Variants in COPS4 observed in about 807,000 individuals in gnomAD.
The protein encoded by COPS4 is COP9 signalosome subunit 4, also known as COP9 signalosome complex subunit 4.
A neutral mutation model predicts 55.1 loss-of-function variants in COPS4; 8 were observed. The observed-to-expected ratio is 0.15, with a 90% CI of 0.09 to 0.26. The LOEUF (loss-of-function observed/expected upper bound fraction) is 0.26. Ranked by LOEUF, COPS4 falls within the 10% of genes least tolerant of loss-of-function variation. The pLI is 1.00. For synonymous variants in COPS4, 185 were observed against 165.7 expected (o/e 1.12, Z -0.90); for missense variants, 248 against 484.0 (o/e 0.51, Z 4.58).
At chr4:83,042,233 A>G (rs74566430) in intron 1 of COPS4, among the ~76,000 whole-genome samples, 1 of 152,180 alleles carries the variant, frequency 6.6e-6, no homozygotes, top group Non-Finnish European at 1.5e-5. Flanking sequence ...TCTCAGCCAT[A>G]TGATCTTCAA....
At chr4:83,044,146 T>A (rs1730640509) in intron 1 of COPS4, among the ~76,000 whole-genome samples, 1 of 152,170 alleles carries the variant, frequency 6.6e-6, no homozygotes, top group African/African-American at 2.4e-5. Context: ...TTAGTGCTTT[T>A]AAAAAATATT....
chr4:83,065,769 C>T (rs1731278494), intron 7 of COPS4, among the ~76,000 whole-genome samples: 1 of 152,136 alleles, frequency 6.6e-6, no homozygotes, highest in Non-Finnish European at 1.5e-5. Flanking sequence ...CCTGGAGTTC[C>T]CAAAAGAATA....
chr4:83,074,704 C>T (rs112144405), intron 9 of COPS4, among the ~76,000 whole-genome samples: 1,814 of 151,224 alleles, frequency 0.012, 17 homozygotes, highest in Middle Eastern at 0.031. Flanking sequence ...CACGGTTTTG[C>T]CATGTTGGCC....
chr4:83,056,999 G>A lies in COPS4; in HGVS notation c.484G>A (p.Val162Ile), dbSNP rs1306607329. The A allele has an allele frequency of 6.2e-7, 1 of 1,613,728 alleles. No individual in the cohort carries two copies. The highest frequency in any genetic ancestry group is 1.3e-5 in the African/African-American group (1 of 75,040). ...ARLYLEDDDP[V>I]QAEAYINRAS... ...GCTATATCTGGAGGATGATGATCCA[G>A]TCCAGGCAGAGGCTTACATAAATCG... Residue 162 changes from valine (V) to isoleucine (I), a missense_variant, in exon 5 of 10, where the codon GTC (valine) becomes ATC (isoleucine). Coordinates refer to ENST00000264389, the MANE Select transcript of COPS4 (RefSeq NM_016129.3).
intron 7 of COPS4, among the ~76,000 whole-genome samples, chr4:83,063,810 A>G (rs1322972846): frequency 2.0e-5 from 3 of 149,884 alleles, no homozygotes; most frequent in Non-Finnish European, 4.4e-5. Flanking sequence ...CCCGGGTTCA[A>G]GTGATTCTCC....
chr4:83,060,450 C>T (rs537607975), intron 6 of COPS4, among the ~76,000 whole-genome samples: 1 of 151,686 alleles, frequency 6.6e-6, no homozygotes, highest in Admixed American at 6.6e-5. Context: ...CCAGGTTCAG[C>T]CATTCTCCTG....
chr4:83,037,541 A>G (rs1730456992), intron 1 of COPS4, among the ~76,000 whole-genome samples: 1 of 152,226 alleles, frequency 6.6e-6, no homozygotes, highest in Non-Finnish European at 1.5e-5. Context: ...CCTTGCCTGC[A>G]TTTCCTATGT....
chr4:83,060,147 G>T (rs1269668983), intron 6 of COPS4, among the ~76,000 whole-genome samples: 1 of 151,636 alleles, frequency 6.6e-6, no homozygotes, highest in Non-Finnish European at 1.5e-5. Flanking sequence ...AGGTAATTGT[G>T]GATATTCTTT....
chr4:83,070,221 G>A (rs1293214581), intron 9 of COPS4, among the ~76,000 whole-genome samples: 1 of 151,944 alleles, frequency 6.6e-6, no homozygotes, highest in African/African-American at 2.4e-5. Flanking sequence ...AGTTACTTAG[G>A]GCTTAATCCT....
intron 1 of COPS4, among the ~76,000 whole-genome samples, chr4:83,041,587 C>T (rs1437330975): frequency 9.2e-5 from 14 of 152,286 alleles, no homozygotes; most frequent in Admixed American, 5.9e-4. Context: ...CTGCCTCAGC[C>T]TCCCGTGTAG....
At chr4:83,070,141 C>T (rs1416031984) in intron 9 of COPS4, among the ~76,000 whole-genome samples, 2 of 152,196 alleles carry the variant, frequency 1.3e-5, no homozygotes, top group Non-Finnish European at 2.9e-5. Context: ...TTCTACTTTT[C>T]CTCTTATATC....
chr4:83,056,850 C>A, intron 4 of COPS4, 76 bp from the exon 5 acceptor site: 1 of 1,234,876 alleles, frequency 8.1e-7, no homozygotes, highest in Admixed American at 2.2e-5. Context: ...CAGGAAAAAA[C>A]AACATATCTT....
intron 7 of COPS4, among the ~76,000 whole-genome samples, chr4:83,064,257 A>C (rs1175680313): frequency 6.6e-6 from 1 of 152,136 alleles, no homozygotes; most frequent in Non-Finnish European, 1.5e-5. Context: ...GGATTGCTTG[A>C]GCCCAGGGGG....
chr4:83,073,247 C>T, intron 9 of COPS4: 1 of 685,304 alleles, frequency 1.5e-6, no homozygotes, highest in Non-Finnish European at 2.7e-6. Context: ...CTGGATTTAC[C>T]TAGTCTGGAT....
intron 1 of COPS4, among the ~76,000 whole-genome samples, chr4:83,039,704 T>G (rs1356205016): frequency 6.6e-6 from 1 of 152,182 alleles, no homozygotes; most frequent in Non-Finnish European, 1.5e-5. Context: ...AGATCATGGC[T>G]TACTACAGCC....
intron 8 of COPS4, among the ~76,000 whole-genome samples, chr4:83,067,332 C>T (rs950206373): frequency 1.3e-5 from 2 of 151,858 alleles, no homozygotes; most frequent in Non-Finnish European, 2.9e-5. Context: ...ACCTCTACCT[C>T]CCAGGTTCAG....
At chr4:83,062,671 G>T (rs1009725494) in intron 6 of COPS4, among the ~76,000 whole-genome samples, 4 of 152,126 alleles carry the variant, frequency 2.6e-5, no homozygotes, top group Admixed American at 6.5e-5. Context: ...CTGTCTGGGG[G>T]GTGTTCTTAA....
chr4:83,054,833 A>G (rs140689925), intron 4 of COPS4, among the ~76,000 whole-genome samples: 32 of 152,364 alleles, frequency 2.1e-4, no homozygotes, highest in African/African-American at 7.7e-4. Flanking sequence ...TAAACGAGTT[A>G]AAGTGACTAA....
intron 1 of COPS4, among the ~76,000 whole-genome samples, chr4:83,042,517 AT>A (rs34745098): frequency 2.0e-3 from 285 of 145,418 alleles, no homozygotes; most frequent in Middle Eastern, 3.5e-3. Context: ...TAATTAATTA[AT>A]TTTTTTTTTT....
Sources: allele counts gnomAD v4.1 joint callset (sites outside exome capture counted in the v4.1 genomes callset), GRCh38; gene constraint gnomAD v4.1.1; transcripts MANE v1.5; gene names NCBI Gene and HGNC (gene_info 2026-07-23, HGNC 2026-07-21).